Variants in MESP1 observed in about 807,000 individuals in gnomAD.
MESP1 encodes the protein mesoderm posterior protein 1.
A neutral mutation model predicts 15.2 loss-of-function variants in MESP1; 22 were observed. That is an observed-to-expected ratio of 1.45 (90% CI 1.04 to 2.07). MESP1 has a LOEUF of 2.07. Ranked by LOEUF, MESP1 falls within the 30% of genes most tolerant of loss-of-function variation. The pLI, the probability that MESP1 is intolerant of heterozygous loss-of-function variation, is 0.00. For missense variants in MESP1, 484 were observed against 411.9 expected (o/e 1.17, Z -1.51); for synonymous variants, 216 against 192.6 (o/e 1.12, Z -1.01).
At chr15:89,747,622 C>A (rs530554167), downstream of MESP1, among the ~76,000 whole-genome samples, 2,483 of 152,328 alleles carry the variant, frequency 0.016, 82 homozygotes, top group African/African-American at 0.057. Flanking sequence ...CCCCAGTACC[C>A]TCTGTTCTTG....
chr15:89,750,301 C>T, intron 1 of MESP1, 74 bp from the exon 2 acceptor site: 1 of 1,590,556 alleles, frequency 6.3e-7, no homozygotes, highest in Non-Finnish European at 8.6e-7. Flanking sequence ...TCGTGGGCTC[C>T]ACTCTCAGGG....
At chr15:89,734,491 A>T in the MESP1 span, among the ~76,000 whole-genome samples, 3 of 152,122 alleles carry the variant, frequency 2.0e-5, no homozygotes, top group Non-Finnish European at 4.4e-5. Context: ...TAGCACACAA[A>T]TGCTTTTCAA....
At chr15:89,732,983 G>A in the MESP1 span, 1 of 1,611,790 alleles carries the variant, frequency 6.2e-7, no homozygotes, top group East Asian at 2.2e-5. Context: ...TTTCTGACCG[G>A]CTTGTGTGAT....
At chr15:89,735,494 G>T in the MESP1 span, 1 of 1,614,120 alleles carries the variant, frequency 6.2e-7, no homozygotes, top group Non-Finnish European at 8.5e-7. Flanking sequence ...CTATAGGCCT[G>T]TAAAGCACCT....
rs375298838 is a variant in MESP1, at chr15:89,750,400, G to T, written c.723+109C>A. On this transcript the variant is annotated intron_variant, in intron 1 of 1. Coordinates refer to ENST00000300057, the MANE Select transcript of MESP1 (RefSeq NM_018670.4). ...CCTGGGCATACTATGGTGGCCAGGT[G>T]GCCAGGCTGCCGGCGGGGAGCAGCA... The T allele has an allele frequency of 1.3e-5, 19 of 1,454,900 alleles. No homozygotes were observed. The East Asian group carries it at 2.7e-4, about 21-fold the overall frequency. 90.1% of individuals were successfully genotyped at this position (1,454,900 alleles called of 1,614,324 possible).
In MESP1 at chr15:89,750,528, T is replaced by G; in HGVS notation, c.704A>C (p.Glu235Ala). The G allele has an allele frequency of 6.7e-7, 1 of 1,499,244 alleles. No homozygotes were observed. Among genetic ancestry groups the G allele is most frequent in the Non-Finnish European group, 8.8e-7 (1 of 1,132,236 alleles). The allele number at this position is 1,499,244 out of a possible 1,614,324, so 92.9% of individuals were successfully genotyped here. A position where few individuals can be genotyped will look rare whatever the true frequency, so the allele number is the denominator to read the frequency against. Residue 235 changes from glutamate (E) to alanine (A), a missense_variant, in exon 1 of 2, where the codon GAG becomes GCG. Coordinates refer to ENST00000300057, the MANE Select transcript of MESP1 (RefSeq NM_018670.4). ...ACTAACCGGGGACGGTGGGCTTGGCTCCATCGCCTGCCCTTCAGGGCACGC... is the reference window on the plus strand; with the variant it reads ...ACTAACCGGGGACGGTGGGCTTGGCGCCATCGCCTGCCCTTCAGGGCACGC... The part of the protein sequence containing the change: ...EAACPEGQAM[E>A]PSPPSPLLPG...
At chr15:89,734,902 G>C in the MESP1 span, among the ~76,000 whole-genome samples, 1 of 152,054 alleles carries the variant, frequency 6.6e-6, no homozygotes, top group Admixed American at 6.6e-5. Context: ...ATATTATTTA[G>C]CTATGCATAT....
At chr15:89,743,306 A>T in the MESP1 span, 2 of 1,614,180 alleles carry the variant, frequency 1.2e-6, no homozygotes, top group African/African-American at 2.7e-5. Flanking sequence ...CGGAAGCTGG[A>T]GAAGAACCCA....
At chr15:89,745,438 C>T (rs1967915879), downstream of MESP1, among the ~76,000 whole-genome samples, 1 of 152,132 alleles carries the variant, frequency 6.6e-6, no homozygotes, top group South Asian at 2.1e-4. The surrounding 1 kb of genome is among the most constrained non-coding windows in gnomAD (Gnocchi z 4.8). Context: ...GAGGTCCTTG[C>T]CCTCTGGGTG....
the MESP1 span, among the ~76,000 whole-genome samples, chr15:89,734,067 T>C: frequency 6.6e-6 from 1 of 151,996 alleles, no homozygotes; most frequent in Non-Finnish European, 1.5e-5. Context: ...TGAGATCAAC[T>C]CCCCTGAAAC....
the MESP1 span, chr15:89,743,332 C>T: frequency 1.9e-6 from 3 of 1,614,174 alleles, no homozygotes; most frequent in South Asian, 3.3e-5. Flanking sequence ...GGAGGAGGAG[C>T]ACTGGGCCCG....
rs1968086467 is a variant in MESP1 at position 89,751,020 on chromosome 15, C to T, written c.212G>A (p.Arg71Lys). ...CAGGCGGCTGCTGCGCGCGCCGCGC[C>T]TACCTACGGAGGGGGCGCGGGGGTC... ...LRDPRAPSVG[R>K]RGARSSRLGS... The change falls in exon 1 of 2, where the codon AGG (arginine) becomes AAG (lysine). Residue 71 changes from arginine (R) to lysine (K), a missense_variant. Coordinates refer to ENST00000300057, the MANE Select transcript of MESP1 (RefSeq NM_018670.4). The T allele has an allele frequency of 8.1e-6, 11 of 1,356,052 alleles. No individual in the cohort carries two copies. Among genetic ancestry groups the T allele is most frequent in the Admixed American group, 4.0e-5 (1 of 25,230 alleles). 84.0% of individuals were successfully genotyped at this position (1,356,052 alleles called of 1,614,324 possible).
At chr15:89,733,350 T>G in the MESP1 span, 2 of 839,666 alleles carry the variant, frequency 2.4e-6, no homozygotes, top group East Asian at 5.3e-5. Context: ...CTGGTGAGCT[T>G]CTGAAGATCA....
the MESP1 span, among the ~76,000 whole-genome samples, chr15:89,738,732 A>G: frequency 1.2e-4 from 19 of 152,114 alleles, no homozygotes; most frequent in Non-Finnish European, 2.4e-4. Flanking sequence ...AAAAAGAGTC[A>G]TTAATTCAGG....
At chr15:89,743,669 G>A in the MESP1 span, 2 of 444,124 alleles carry the variant, frequency 4.5e-6, no homozygotes, top group Admixed American at 3.5e-5. Context: ...ATAACTCATC[G>A]TTCCCACGCA....
At chr15:89,741,304 C>T in the MESP1 span, among the ~76,000 whole-genome samples, 1 of 152,132 alleles carries the variant, frequency 6.6e-6, no homozygotes, top group African/African-American at 2.4e-5. Flanking sequence ...AATCACAGCT[C>T]ACTGCAGCCT....
the MESP1 span, among the ~76,000 whole-genome samples, chr15:89,733,533 C>A: frequency 6.6e-6 from 1 of 152,194 alleles, no homozygotes; most frequent in East Asian, 1.9e-4. Context: ...AGGCTCTTCC[C>A]ACATGAATGG....
the MESP1 span, among the ~76,000 whole-genome samples, chr15:89,734,079 G>T: frequency 1.3e-5 from 2 of 152,044 alleles, no homozygotes; most frequent in Non-Finnish European, 2.9e-5. Context: ...CCCTGAAACC[G>T]TTGGAAATCG....
the MESP1 span, among the ~76,000 whole-genome samples, chr15:89,741,147 AT>A: frequency 0.021 from 3,204 of 152,270 alleles, 120 homozygotes; most frequent in African/African-American, 0.074. Flanking sequence ...CTCAAAAAAA[AT>A]AAATAAATAA....
Sources: gnomAD v4.1 joint callset for allele counts (sites outside exome capture counted in the v4.1 genomes callset) on GRCh38, gnomAD v4.1.1 for gene constraint, Gnocchi (gnomAD v3.1) non-coding constraint, MANE v1.5 for transcripts, NCBI Gene and HGNC (gene_info 2026-07-23, HGNC 2026-07-21) for gene names.